Variants in CHD2 observed in about 807,000 individuals in gnomAD.
The protein encoded by CHD2 is ATP-dependent chromatin remodeler CHD2.
In CHD2, 28 loss-of-function variants were observed where a neutral mutation model predicts 243.9. That is an observed-to-expected ratio of 0.11 (90% CI 0.09 to 0.16). The LOEUF (loss-of-function observed/expected upper bound fraction) is 0.16, where lower values mean the gene tolerates loss of function less well. CHD2 is among the 10% of genes least tolerant of loss of function. CHD2 has a pLI of 1.00. For missense variants in CHD2, 1,386 were observed against 2,209.8 expected, an observed-to-expected ratio of 0.63 and a Z score of 7.47; for synonymous variants, 775 against 779.0, an observed-to-expected ratio of 0.99 and a Z score of 0.09.
At chr15:92,915,864 C>G (rs1053381088) in intron 2 of CHD2, among the ~76,000 whole-genome samples, 2 of 152,138 alleles carry the variant, frequency 1.3e-5, no homozygotes, top group African/African-American at 4.8e-5. Context: ...TACATACCTC[C>G]CTAACAATTT....
chr15:92,975,062 G>A, intron 20 of CHD2, 112 bp downstream of exon 20: 5 of 815,550 alleles, frequency 6.1e-6, no homozygotes, highest in South Asian at 4.9e-5. Context: ...CAATTCTTTT[G>A]CCTTGAGAAG....
rs58367771 is a variant in CHD2 at position 92,969,749 on chromosome 15, A to T, written c.2190-2016A>T. On this transcript the variant is annotated intron_variant, in intron 17 of 38. Coordinates refer to ENST00000394196, the MANE Select transcript of CHD2 (RefSeq NM_001271.4). ...CAACCACACCAAGCTAATTCATTCT[A>T]TACATACAACAAAGCTAATACTACC... Among the ~76,000 whole-genome samples, 1,222 of 152,206 alleles carry T rather than the reference A, an allele frequency of 8.0e-3. 48 individuals carry two copies. The highest frequency in any genetic ancestry group is 0.068 in the Admixed American group (1,043 of 15,260).
At chr15:92,958,648 T>C (rs1163440058) in intron 16 of CHD2, among the ~76,000 whole-genome samples, 1 of 152,230 alleles carries the variant, frequency 6.6e-6, no homozygotes, top group Non-Finnish European at 1.5e-5. Context: ...GCTTTATCAG[T>C]ACAGTCCCCA....
chr15:92,997,123 A>T lies in CHD2; in HGVS notation c.3734+28A>T. ...GAGTATATTTTGTGTACATGCTTAG[A>T]TGGTCGTACCGTAAGAAAATAGATT... is the stretch of plus-strand genomic sequence containing the variant. On this transcript the variant is annotated intron_variant, in intron 29 of 38. Transcript: ENST00000394196. The surrounding 1 kb of genome is among the most constrained non-coding windows in gnomAD (Gnocchi z 4.1). 6.2e-7 allele frequency: 1 copy of T among 1,606,188 alleles called. No homozygotes were observed. Among genetic ancestry groups the T allele is most frequent in the South Asian group, 1.1e-5 (1 of 89,330 alleles).
intron 2 of CHD2, among the ~76,000 whole-genome samples, chr15:92,903,795 G>A (rs2052566045): frequency 6.6e-6 from 1 of 152,200 alleles, no homozygotes; most frequent in South Asian, 2.1e-4. Flanking sequence ...TTTATCTTAA[G>A]AATTGAACGA....
At chr15:93,005,999 T>C (rs2054315385) in intron 34 of CHD2, among the ~76,000 whole-genome samples, 1 of 152,212 alleles carries the variant, frequency 6.6e-6, no homozygotes, top group African/African-American at 2.4e-5. Context: ...TTCAGGGATA[T>C]AATAGTCATT....
intron 33 of CHD2, among the ~76,000 whole-genome samples, chr15:93,004,303 A>G (rs189469302): frequency 1.6e-4 from 24 of 152,274 alleles, no homozygotes; most frequent in African/African-American, 5.1e-4. Flanking sequence ...AGTTCTGCCA[A>G]TTTACAAGCT....
intron 36 of CHD2, 129 bp downstream of exon 36, chr15:93,012,573 C>T (rs1415026881): frequency 1.7e-6 from 1 of 592,924 alleles, no homozygotes; most frequent in Non-Finnish European, 2.9e-6. Context: ...AATAGTCAAA[C>T]AATAAGACCA....
intron 2 of CHD2, chr15:92,904,400 C>G (rs2052579031): frequency 1.0e-6 from 1 of 971,130 alleles, no homozygotes; most frequent in Non-Finnish European, 1.2e-6. Context: ...GACGGCTCCC[C>G]TGGGGGGCGG....
chr15:92,905,031 ATATT>A (rs1567117208), intron 2 of CHD2: 4 of 1,520,946 alleles, frequency 2.6e-6, no homozygotes, highest in East Asian at 2.5e-5. Flanking sequence ...TAAGTACTAT[ATATT>A]TAAGATTCAC....
intron 22 of CHD2, among the ~76,000 whole-genome samples, chr15:92,980,034 G>GC (rs897096771): frequency 1.2e-5 from 1 of 83,932 alleles, no homozygotes; most frequent in Non-Finnish European, 2.7e-5. Context: ...TTTCAGCTAT[G>GC]TTTTTTGTTT....
intron 17 of CHD2, among the ~76,000 whole-genome samples, chr15:92,971,317 A>C (rs1324018245): frequency 6.6e-6 from 1 of 152,216 alleles, no homozygotes. Context: ...TCATACTGGC[A>C]CTCAGAAAGT....
rs952291770 is a variant in CHD2 at position 92,953,663 on chromosome 15, T to C, written c.1719+90T>C. 41 of 1,214,828 alleles carry C rather than the reference T, an allele frequency of 3.4e-5. 1 individual carries two copies. In the East Asian group the frequency reaches 9.8e-4, roughly 29 times the overall value. The allele number at this position is 1,214,828 out of a possible 1,614,324, so 75.3% of individuals were successfully genotyped here. ...AGCCTTCAGTAGATCATCAGTAAAA[T>C]TTGTGGTTATTATTCTGATACTGTG... On this transcript the variant is annotated intron_variant, in intron 14 of 38. Transcript: ENST00000394196.
intron 14 of CHD2, chr15:92,953,808 G>T: frequency 2.1e-6 from 1 of 484,240 alleles, no homozygotes; most frequent in Non-Finnish European, 3.7e-6. Flanking sequence ...TCTTTTAGCT[G>T]GGTTGCAATA....
intron 38 of CHD2, chr15:93,020,590 G>A (rs536846034): frequency 8.0e-5 from 41 of 514,876 alleles, no homozygotes; most frequent in Middle Eastern, 5.0e-4. Flanking sequence ...CAGGGATCCC[G>A]AGATGGGTAC....
At chr15:93,000,080 G>A (rs1303602166) in intron 31 of CHD2, among the ~76,000 whole-genome samples, 1 of 152,112 alleles carries the variant, frequency 6.6e-6, no homozygotes, top group Non-Finnish European at 1.5e-5. Flanking sequence ...CCAACATGGC[G>A]AAACCCTGTT....
chr15:92,951,856 A>G (rs533164906), intron 13 of CHD2, among the ~76,000 whole-genome samples: 237 of 152,288 alleles, frequency 1.6e-3, no homozygotes, highest in African/African-American at 4.8e-3. Flanking sequence ...TCTGTATTTT[A>G]CCCTTTAAAC....
chr15:92,940,911 T>TAA lies in CHD2; in HGVS notation c.693-910_693-909insAA, dbSNP rs1198937407. Among the ~76,000 whole-genome samples, 3 of 93,320 alleles carry TAA rather than the reference T, an allele frequency of 3.2e-5. No individual in the cohort carries two copies. The Admixed American group carries it at 4.3e-4, about 13-fold the overall frequency. The allele number at this position is 93,320 out of a possible 152,430, so 61.2% of individuals were successfully genotyped here. A position where few individuals can be genotyped will look rare whatever the true frequency, so the allele number is the denominator to read the frequency against. ...ATATAAAAATATATATAAATATATA[T>TAA]ATAAATATACATATAAATATATATA... On this transcript the variant is annotated intron_variant, in intron 7 of 38. Coordinates refer to ENST00000394196, the MANE Select transcript of CHD2 (RefSeq NM_001271.4).
At chr15:92,969,391 C>T (rs751583874) in intron 17 of CHD2, among the ~76,000 whole-genome samples, 54 of 152,226 alleles carry the variant, frequency 3.5e-4, no homozygotes, top group African/African-American at 1.3e-3. Flanking sequence ...TCTGCTCTTC[C>T]CACTGTAGAG....
Sources: gnomAD v4.1 joint callset for allele counts (sites outside exome capture counted in the v4.1 genomes callset) on GRCh38, gnomAD v4.1.1 for gene constraint, Gnocchi (gnomAD v3.1) non-coding constraint, MANE v1.5 for transcripts, NCBI Gene and HGNC (gene_info 2026-07-23, HGNC 2026-07-21) for gene names.